Variants in RBM47 observed in about 807,000 individuals in gnomAD.
RBM47 encodes RNA binding motif protein 47.
A neutral mutation model predicts 47.1 loss-of-function variants in RBM47; 21 were observed. The ratio of observed to expected loss-of-function variants is 0.45; its 90% CI spans 0.32 to 0.64. RBM47 has a LOEUF of 0.64. Ranked by LOEUF, RBM47 falls within the 30% of genes least tolerant of loss-of-function variation. The probability of loss-of-function intolerance (pLI) is 0.05; values close to 1 mark genes in which losing one functional copy is unlikely to be tolerated. For synonymous variants in RBM47, 375 were observed against 361.7 expected (o/e 1.04, Z -0.42); for missense variants, 708 against 870.9 (o/e 0.81, Z 2.35).
At chr4:40,520,849 C>T (rs1020391320) in intron 2 of RBM47, among the ~76,000 whole-genome samples, 6 of 152,160 alleles carry the variant, frequency 3.9e-5, no homozygotes, top group Admixed American at 2.0e-4. Context: ...CTACACTGTC[C>T]GGTGCTGCCT....
chr4:40,503,259 G>A (rs992378319), intron 2 of RBM47, among the ~76,000 whole-genome samples: 2 of 152,232 alleles, frequency 1.3e-5, no homozygotes, highest in Admixed American at 6.5e-5. Context: ...CAAGGTGGAA[G>A]GAGGCTGGGT....
chr4:40,548,931 G>T (rs1729277899), intron 1 of RBM47, among the ~76,000 whole-genome samples: 1 of 152,182 alleles, frequency 6.6e-6, no homozygotes, highest in African/African-American at 2.4e-5. Context: ...CTCCCAAAGT[G>T]CTGGGATTAC....
At chr4:40,549,676 C>A (rs1275392179) in intron 1 of RBM47, among the ~76,000 whole-genome samples, 2 of 151,432 alleles carry the variant, frequency 1.3e-5, no homozygotes. Context: ...GTGTGTGGCA[C>A]CATGCCCAGC....
intron 2 of RBM47, among the ~76,000 whole-genome samples, chr4:40,519,347 G>C (rs1725947141): frequency 1.4e-5 from 2 of 142,568 alleles, no homozygotes; most frequent in South Asian, 4.3e-4. Context: ...GCCCAGGCTG[G>C]AGTGCAATGG....
chr4:40,496,381 G>A (rs1226076281), intron 2 of RBM47, among the ~76,000 whole-genome samples: 1 of 151,336 alleles, frequency 6.6e-6, no homozygotes. Flanking sequence ...GAAAAACCTA[G>A]AATCTTTGTA....
intron 1 of RBM47, among the ~76,000 whole-genome samples, chr4:40,598,018 T>G (rs1734911410): frequency 1.3e-5 from 2 of 152,236 alleles, no homozygotes; most frequent in South Asian, 4.1e-4. Context: ...GGAATCTTTT[T>G]AAGGCAGGGA....
rs184250958 is a variant in RBM47, at chr4:40,463,007, A to G, written c.-32+3570T>C. On this transcript the variant is annotated intron_variant, in intron 3 of 6. Coordinates refer to ENST00000295971, the MANE Select transcript of RBM47 (RefSeq NM_001098634.2). ...AAAGGACACTGTCAAGAGAGTGAAA[A>G]GGCAACCCACAGTGTAGGAGAAAAT... Among the ~76,000 whole-genome samples the G allele has an allele frequency of 2.6e-5, 4 of 152,354 alleles. No individual in the cohort carries two copies. In the East Asian group the frequency reaches 7.7e-4, roughly 29 times the overall value.
intron 1 of RBM47, among the ~76,000 whole-genome samples, chr4:40,620,919 G>A (rs1737209690): frequency 6.6e-6 from 1 of 151,436 alleles, no homozygotes; most frequent in African/African-American, 2.4e-5. Flanking sequence ...TTAGCTCTTT[G>A]TTTATTAGGC....
At position 40,577,119 on chromosome 4, in the gene RBM47, G is replaced by A. The variant is rs189465010; in HGVS notation, c.-239-32613C>T. Among the ~76,000 whole-genome samples the A allele has an allele frequency of 2.7e-3, 404 of 152,266 alleles. 1 individual carries two copies. Among genetic ancestry groups the A allele is most frequent in the African/African-American group, 9.0e-3 (374 of 41,558 alleles). ...TGGCCTGAGGGTCACGTGCTAAAGAGGAAACCCTGAGTGAGTCAATCATGA... is the reference window on the plus strand; with the variant it reads ...TGGCCTGAGGGTCACGTGCTAAAGAAGAAACCCTGAGTGAGTCAATCATGA... On this transcript the variant is annotated intron_variant, in intron 1 of 6. Transcript: ENST00000295971.
At chr4:40,449,070 GGGCAGGCCCCT>G (rs1196442780) in intron 3 of RBM47, among the ~76,000 whole-genome samples, 1 of 152,150 alleles carries the variant, frequency 6.6e-6, no homozygotes, top group African/African-American at 2.4e-5. Context: ...GCCCACTCTC[GGGCAGGCCCCT>G]GGCACCAGGA....
intron 1 of RBM47, among the ~76,000 whole-genome samples, chr4:40,571,165 G>A (rs1473480535): frequency 2.6e-5 from 4 of 151,948 alleles, no homozygotes; most frequent in African/African-American, 4.8e-5. Flanking sequence ...GCAGTGAGCC[G>A]AGATTGCATC....
At chr4:40,525,569 T>C (rs115093956) in intron 2 of RBM47, among the ~76,000 whole-genome samples, 2,689 of 152,132 alleles carry the variant, frequency 0.018, 63 homozygotes, top group African/African-American at 0.052. Flanking sequence ...CTAAAGGCAG[T>C]TGTGTATACA....
Position 40,465,773 on chromosome 4 carries a change from T to C in RBM47, c.-32+804A>G, listed in dbSNP as rs146760037. Among the ~76,000 whole-genome samples, 1,177 of 152,286 alleles carry C rather than the reference T, an allele frequency of 7.7e-3. 8 individuals carry two copies. The highest frequency in any genetic ancestry group is 0.02 in the Middle Eastern group (6 of 294). On this transcript the variant is annotated intron_variant, in intron 3 of 6. Transcript: ENST00000295971. ...AGATTAAATGGTTGTCAAAGTGCTT[T>C]TACATATGTTGTGGTTCTTTGGATC...
Position 40,424,357 on chromosome 4 carries a change from T to C in RBM47, c.*1547A>G, listed in dbSNP as rs919279062. ...TTGATATTTTTTTTTAAAAAGTAGA[T>C]GACAATCTTAACATTTTACTGTATT... On this transcript the variant is annotated 3_prime_UTR_variant, in exon 7 of 7. Transcript: ENST00000295971. The C allele has an allele frequency of 3.3e-5, 5 of 152,594 alleles. No individual in the cohort carries two copies. The highest frequency in any genetic ancestry group is 1.2e-4 in the African/African-American group (5 of 41,452). The allele number at this position is 152,594 out of a possible 1,614,324, so 9.5% of individuals were successfully genotyped here.
chr4:40,509,026 T>C (rs1724506879), intron 2 of RBM47, among the ~76,000 whole-genome samples: 1 of 152,014 alleles, frequency 6.6e-6, no homozygotes, highest in African/African-American at 2.4e-5. Flanking sequence ...CCAGGTGTGG[T>C]GGCGCGTGCC....
intron 1 of RBM47, among the ~76,000 whole-genome samples, chr4:40,592,433 T>C (rs1468417453): frequency 1.1e-5 from 1 of 90,250 alleles, no homozygotes; most frequent in Non-Finnish European, 2.6e-5. Flanking sequence ...TTTCTTTTTT[T>C]TTTTTTTTAA....
At chr4:40,592,920 T>C (rs1734295067) in intron 1 of RBM47, among the ~76,000 whole-genome samples, 1 of 119,438 alleles carries the variant, frequency 8.4e-6, no homozygotes. Flanking sequence ...TTAGAATCAA[T>C]GCAAACAATT....
At chr4:40,459,638 T>C (rs924032432) in intron 3 of RBM47, among the ~76,000 whole-genome samples, 1 of 152,196 alleles carries the variant, frequency 6.6e-6, no homozygotes, top group Non-Finnish European at 1.5e-5. Flanking sequence ...TGGGTACAAA[T>C]AGTCATACCC....
chr4:40,622,804 C>G (rs559312117), intron 1 of RBM47, among the ~76,000 whole-genome samples: 2 of 152,180 alleles, frequency 1.3e-5, no homozygotes, highest in East Asian at 3.9e-4. Context: ...ATCACTGGAG[C>G]CTGGAAGGCA....
Sources: allele counts gnomAD v4.1 joint callset (sites outside exome capture counted in the v4.1 genomes callset), GRCh38; gene constraint gnomAD v4.1.1; transcripts MANE v1.5; gene names NCBI Gene and HGNC (gene_info 2026-07-23, HGNC 2026-07-21).